The following VAPB variants were observed in gnomAD, a reference collection of about 807,000 sequenced individuals.
The protein encoded by VAPB is vesicle-associated membrane protein-associated protein B/C.
Under a neutral mutation model 25.6 loss-of-function variants are expected in VAPB, and 7 were observed. The ratio of observed to expected loss-of-function variants is 0.27; its 90% CI spans 0.16 to 0.51. The LOEUF (loss-of-function observed/expected upper bound fraction) is 0.51, where lower values mean the gene tolerates loss of function less well. VAPB is among the 20% of genes least tolerant of loss of function. The pLI is 0.97. For missense variants in VAPB, 266 were observed against 301.3 expected (o/e 0.88, Z 0.87); for synonymous variants, 112 against 109.2 (o/e 1.03, Z -0.16).
At chr20:58,421,083 T>TA (rs2036413692) in intron 2 of VAPB, among the ~76,000 whole-genome samples, 1 of 152,192 alleles carries the variant, frequency 6.6e-6, no homozygotes, top group Non-Finnish European at 1.5e-5. Context: ...CCCACTCTCT[T>TA]CAAAGATTAG....
intron 2 of VAPB, among the ~76,000 whole-genome samples, chr20:58,423,445 A>AAAAAAAAAAAAAAG (rs1988717111): frequency 2.8e-5 from 4 of 143,910 alleles, no homozygotes; most frequent in Admixed American, 7.0e-5. Context: ...AAAAAAAAAA[A>AAAAAAAAAAAAAAG]AAAAGAAAAG....
At chr20:58,417,196 C>T (rs1988560642) in intron 1 of VAPB, among the ~76,000 whole-genome samples, 1 of 152,094 alleles carries the variant, frequency 6.6e-6, no homozygotes, top group Non-Finnish European at 1.5e-5. Flanking sequence ...TTGTAGCCAC[C>T]TGACTAATAA....
intron 3 of VAPB, among the ~76,000 whole-genome samples, chr20:58,436,847 G>A (rs564626121): frequency 2.8e-4 from 43 of 152,034 alleles, no homozygotes; most frequent in African/African-American, 1.0e-3. Context: ...CTCTTATATA[G>A]TCATGATACT....
At chr20:58,442,379 G>A (rs1989181455) in intron 5 of VAPB, among the ~76,000 whole-genome samples, 1 of 152,130 alleles carries the variant, frequency 6.6e-6, no homozygotes, top group Non-Finnish European at 1.5e-5. Context: ...CTGAAACAGA[G>A]TTCTGTGCTA....
In VAPB at chr20:58,446,142, T is replaced by C; in HGVS notation, c.*1907T>C. 2.2e-6 allele frequency: 1 copy of C among 454,046 alleles called. No homozygotes were observed. The highest frequency in any genetic ancestry group is 1.6e-5 in the South Asian group (1 of 64,476). 28.1% of individuals were successfully genotyped at this position (454,046 alleles called of 1,614,324 possible). A position where few individuals can be genotyped will look rare whatever the true frequency, so the allele number is the denominator to read the frequency against. On this transcript the variant is annotated 3_prime_UTR_variant, in exon 6 of 6. Coordinates refer to ENST00000475243, the MANE Select transcript of VAPB (RefSeq NM_004738.5). ...GACTTAGTTGTTACCCAGGCACCCA[T>C]GGATTGTGTTGAGTGTGCAGACAGG...
chr20:58,446,350 C>T lies in VAPB; in HGVS notation c.*2115C>T, dbSNP rs551615288. ...AGTTAAGTCCTGTAGCTTCCAGGCC[C>T]TCATGTCTTTGATAGGAGAGTGCTT... On this transcript the variant is annotated 3_prime_UTR_variant, in exon 6 of 6. Coordinates refer to ENST00000475243, the MANE Select transcript of VAPB (RefSeq NM_004738.5). The T allele has an allele frequency of 2.2e-6, 1 of 454,118 alleles. No homozygotes were observed. The highest frequency in any genetic ancestry group is 6.9e-5 in the East Asian group (1 of 14,400). The allele number at this position is 454,118 out of a possible 1,614,324, so 28.1% of individuals were successfully genotyped here. A position where few individuals can be genotyped will look rare whatever the true frequency, so the allele number is the denominator to read the frequency against.
chr20:58,414,276 AC>A (rs1209082635), intron 1 of VAPB, among the ~76,000 whole-genome samples: 35 of 123,686 alleles, frequency 2.8e-4, no homozygotes, highest in African/African-American at 1.0e-3. Context: ...CGTGGGGCTG[AC>A]CCCCCCACCT....
intron 1 of VAPB, among the ~76,000 whole-genome samples, chr20:58,410,914 T>G (rs1988362016): frequency 6.6e-6 from 1 of 152,214 alleles, no homozygotes; most frequent in Non-Finnish European, 1.5e-5. Flanking sequence ...AGTGTCTGGA[T>G]ATACCACAGT....
intron 4 of VAPB, 120 bp downstream of exon 4, chr20:58,439,145 G>A (rs1989108979): frequency 2.1e-6 from 2 of 950,040 alleles, no homozygotes; most frequent in South Asian, 1.4e-5. Flanking sequence ...GATGTCTGAA[G>A]AAAAAAAATA....
At chr20:58,393,930 C>T (rs1313633696) in intron 1 of VAPB, among the ~76,000 whole-genome samples, 1 of 152,216 alleles carries the variant, frequency 6.6e-6, no homozygotes, top group Non-Finnish European at 1.5e-5. Context: ...CAGGGTTTCT[C>T]CCTGTTGGTC....
rs1430678010 is a variant in VAPB, at chr20:58,445,351, G to A, written c.*1116G>A. 7 of 454,436 alleles carry A rather than the reference G, an allele frequency of 1.5e-5. No homozygotes were observed. The highest frequency in any genetic ancestry group is 7.8e-5 in the South Asian group (5 of 64,468). 28.2% of individuals were successfully genotyped at this position (454,436 alleles called of 1,614,324 possible). A position where few individuals can be genotyped will look rare whatever the true frequency, so the allele number is the denominator to read the frequency against. ...AGCCTGGAGTCAGGACAAATGGATC[G>A]GGCTGCAGAGGGTTAGAAGCGAGGG... On this transcript the variant is annotated 3_prime_UTR_variant, in exon 6 of 6. Transcript: ENST00000475243.
intron 2 of VAPB, 63 bp from the exon 3 acceptor site, chr20:58,434,539 A>T: frequency 1.2e-6 from 1 of 832,072 alleles, no homozygotes; most frequent in Non-Finnish European, 2.1e-6. Context: ...TACAAGTATT[A>T]GCATAATAAA....
intron 2 of VAPB, among the ~76,000 whole-genome samples, chr20:58,430,783 C>T (rs964294938): frequency 1.6e-4 from 25 of 152,156 alleles, no homozygotes; most frequent in African/African-American, 4.8e-4. Context: ...ACCATGTTGG[C>T]GAGGCTGGTC....
At chr20:58,392,143 A>G (rs1987817636) in intron 1 of VAPB, among the ~76,000 whole-genome samples, 1 of 152,180 alleles carries the variant, frequency 6.6e-6, no homozygotes, top group Non-Finnish European at 1.5e-5. Flanking sequence ...CACTCCTCAA[A>G]GCCTGGGGTG....
chr20:58,429,803 C>G (rs1034425403), intron 2 of VAPB, among the ~76,000 whole-genome samples: 5 of 152,190 alleles, frequency 3.3e-5, no homozygotes, highest in African/African-American at 1.2e-4. Context: ...TATTACTTGG[C>G]CGCATTGACT....
rs146263147 is a variant in VAPB at position 58,390,676 on chromosome 20, C to T, written c.58+1159C>T. On this transcript the variant is annotated intron_variant, in intron 1 of 5. Transcript: ENST00000475243. ...CGGGTCTCCACTATATCGCTAGCACCGGACTCACAGTAGATGCTCAGTTGG... is the reference window on the plus strand; with the variant it reads ...CGGGTCTCCACTATATCGCTAGCACTGGACTCACAGTAGATGCTCAGTTGG... Among the ~76,000 whole-genome samples the T allele has an allele frequency of 2.6e-3, 402 of 152,228 alleles. 2 individuals are homozygous for T. Among genetic ancestry groups the T allele is most frequent in the East Asian group, 4.6e-3 (24 of 5,180 alleles).
At chr20:58,423,922 T>C (rs1988729320) in intron 2 of VAPB, among the ~76,000 whole-genome samples, 1 of 152,190 alleles carries the variant, frequency 6.6e-6, no homozygotes, top group Admixed American at 6.5e-5. Context: ...AAAAAGAAAA[T>C]TACCAACAAA....
In VAPB at chr20:58,450,529, C is replaced by T; in HGVS notation, c.*6294C>T. ...TTCCTTTTTAAAGACGATTTATCAA[C>T]TGCTGCCATTTGGAACTTCCTATAA... On this transcript the variant is annotated 3_prime_UTR_variant, in exon 6 of 6. Coordinates refer to ENST00000475243, the MANE Select transcript of VAPB (RefSeq NM_004738.5). 2.2e-6 allele frequency: 1 copy of T among 453,240 alleles called. No homozygotes were observed. The highest frequency in any genetic ancestry group is 1.6e-5 in the South Asian group (1 of 64,326). 28.1% of individuals were successfully genotyped at this position (453,240 alleles called of 1,614,324 possible).
At chr20:58,442,505 A>G (rs371924834) in intron 5 of VAPB, among the ~76,000 whole-genome samples, 62 of 152,260 alleles carry the variant, frequency 4.1e-4, no homozygotes, top group African/African-American at 1.4e-3. Flanking sequence ...ATCACTGTGC[A>G]GTGATACGGG....
Sources: gnomAD v4.1 joint callset for allele counts (sites outside exome capture counted in the v4.1 genomes callset) on GRCh38, gnomAD v4.1.1 for gene constraint, MANE v1.5 for transcripts, NCBI Gene and HGNC (gene_info 2026-07-23, HGNC 2026-07-21) for gene names.